ADAMTSL1: variants seen among roughly 807,000 people sequenced by gnomAD.
ADAMTSL1 encodes the protein ADAMTS-like protein 1.
In ADAMTSL1, 126 loss-of-function variants were observed where a neutral mutation model predicts 201.8. The ratio of observed to expected loss-of-function variants is 0.62; its 90% CI spans 0.54 to 0.72. ADAMTSL1 has a LOEUF of 0.72. Ranked by LOEUF, ADAMTSL1 falls within the 30% of genes least tolerant of loss-of-function variation. ADAMTSL1 has a pLI of 0.00. For synonymous variants in ADAMTSL1, 1,121 were observed against 903.4 expected (o/e 1.24, Z -4.32); for missense variants, 2,679 against 2,277.8 (o/e 1.18, Z -3.59).
At chr9:18,194,834 G>A (rs182638246) in intron 2 of ADAMTSL1, among the ~76,000 whole-genome samples, 15 of 151,950 alleles carry the variant, frequency 9.9e-5, no homozygotes, top group East Asian at 5.8e-4. Flanking sequence ...AAGTTGTCCC[G>A]CCTTTATTCC....
chr9:18,042,665 T>G (rs1821478372), intron 1 of ADAMTSL1, among the ~76,000 whole-genome samples: 1 of 152,166 alleles, frequency 6.6e-6, no homozygotes, highest in African/African-American at 2.4e-5. Flanking sequence ...CAGCCCTTAT[T>G]TGGTGTGTGT....
At chr9:18,137,669 TG>T (rs1826218057) in intron 1 of ADAMTSL1, among the ~76,000 whole-genome samples, 1 of 152,166 alleles carries the variant, frequency 6.6e-6, no homozygotes, top group Admixed American at 6.6e-5. Flanking sequence ...TAAAACCCTG[TG>T]GAAGAAAAAA....
intron 2 of ADAMTSL1, among the ~76,000 whole-genome samples, chr9:18,433,124 A>G (rs1168489198): frequency 6.6e-6 from 1 of 152,118 alleles, no homozygotes; most frequent in African/African-American, 2.4e-5. Flanking sequence ...ATCCTGTAAA[A>G]TGTGAATAGA....
intron 15 of ADAMTSL1, among the ~76,000 whole-genome samples, chr9:18,739,459 G>A (rs985066581): frequency 2.6e-5 from 4 of 152,152 alleles, no homozygotes; most frequent in Non-Finnish European, 4.4e-5. Flanking sequence ...AGCAATAAAT[G>A]AGAATCATGG....
chr9:17,919,004 G>C (rs1470481988), intron 1 of ADAMTSL1, among the ~76,000 whole-genome samples: 3 of 151,602 alleles, frequency 2.0e-5, no homozygotes, highest in African/African-American at 4.8e-5. Flanking sequence ...AAACATTTCT[G>C]ATTTGAGATT....
chr9:18,259,618 C>G (rs181818691), intron 2 of ADAMTSL1, among the ~76,000 whole-genome samples: 214 of 152,208 alleles, frequency 1.4e-3, no homozygotes, highest in Middle Eastern at 3.4e-3. Flanking sequence ...TCTTTCTGCT[C>G]CCCTCTCCCC....
chr9:18,520,142 T>C (rs1263751873), intron 2 of ADAMTSL1, among the ~76,000 whole-genome samples: 1 of 152,202 alleles, frequency 6.6e-6, no homozygotes, highest in African/African-American at 2.4e-5. Context: ...CCTATAATAT[T>C]CTCATGTGGG....
intron 2 of ADAMTSL1, among the ~76,000 whole-genome samples, chr9:18,219,149 C>T (rs1489552173): frequency 6.6e-6 from 1 of 151,656 alleles, no homozygotes; most frequent in Non-Finnish European, 1.5e-5. Flanking sequence ...TGAATCCCGC[C>T]ATATTATTAC....
chr9:18,897,418 G>A (rs546394996), intron 26 of ADAMTSL1, among the ~76,000 whole-genome samples: 2 of 152,236 alleles, frequency 1.3e-5, no homozygotes, highest in East Asian at 3.9e-4. Flanking sequence ...CTGACTGGGT[G>A]AGACCTCCCA....
chr9:18,128,868 C>G (rs996918213), intron 1 of ADAMTSL1, among the ~76,000 whole-genome samples: 5 of 151,980 alleles, frequency 3.3e-5, no homozygotes, highest in African/African-American at 1.2e-4. Flanking sequence ...CCATAGAAGG[C>G]TTTTGTATAT....
intron 2 of ADAMTSL1, among the ~76,000 whole-genome samples, chr9:18,275,660 G>C (rs1832558163): frequency 6.6e-6 from 1 of 151,944 alleles, no homozygotes; most frequent in Admixed American, 6.6e-5. Flanking sequence ...TGTTTTTGAG[G>C]GCCATCTGTC....
chr9:18,743,218 G>A (rs991842600), intron 15 of ADAMTSL1, among the ~76,000 whole-genome samples: 1 of 152,172 alleles, frequency 6.6e-6, no homozygotes, highest in African/African-American at 2.4e-5. Context: ...TTTTTGGACA[G>A]TGGGATGTCA....
chr9:18,144,319 C>G (rs1326267650), intron 1 of ADAMTSL1, among the ~76,000 whole-genome samples: 1 of 152,024 alleles, frequency 6.6e-6, no homozygotes, highest in African/African-American at 2.4e-5. Context: ...GATTACTCTG[C>G]CTCAGCTTCC....
intron 23 of ADAMTSL1, among the ~76,000 whole-genome samples, chr9:18,861,110 T>C (rs1336275194): frequency 3.9e-5 from 6 of 152,194 alleles, no homozygotes; most frequent in Non-Finnish European, 5.9e-5. Context: ...TCCCTCATTA[T>C]ACAGAGATCA....
intron 1 of ADAMTSL1, among the ~76,000 whole-genome samples, chr9:17,992,554 A>G (rs989309878): frequency 1.3e-5 from 2 of 151,980 alleles, no homozygotes; most frequent in Non-Finnish European, 2.9e-5. Flanking sequence ...AGGTCGGGGG[A>G]TCACTTGAGT....
chr9:18,472,619 C>T (rs1007695337), upstream of ADAMTSL1, among the ~76,000 whole-genome samples: 14 of 152,128 alleles, frequency 9.2e-5, no homozygotes, highest in Admixed American at 2.0e-4. Context: ...TGAAAAGCAA[C>T]GCAGCAGGTA....
chr9:18,361,758 C>A (rs1836531085), intron 2 of ADAMTSL1, among the ~76,000 whole-genome samples: 1 of 152,170 alleles, frequency 6.6e-6, no homozygotes, highest in South Asian at 2.1e-4. Context: ...TCTCCGGAGA[C>A]TTTGTAGCTT....
intron 1 of ADAMTSL1, among the ~76,000 whole-genome samples, chr9:17,987,115 G>C (rs893972772): frequency 6.6e-6 from 1 of 152,026 alleles, no homozygotes. Flanking sequence ...GTCTCTCTGA[G>C]TTTTCGGAGA....
intron 2 of ADAMTSL1, among the ~76,000 whole-genome samples, chr9:18,519,468 T>C: frequency 6.6e-6 from 1 of 152,222 alleles, no homozygotes; most frequent in East Asian, 1.9e-4. Flanking sequence ...TTGTAAGCTA[T>C]TGCCCTCTCC....
Sources: allele counts gnomAD v4.1 joint callset (sites outside exome capture counted in the v4.1 genomes callset), GRCh38; gene constraint gnomAD v4.1.1; transcripts MANE v1.5; gene names NCBI Gene and HGNC (gene_info 2026-07-23, HGNC 2026-07-21).